The following USP48 variants were observed in gnomAD, a reference collection of about 807,000 sequenced individuals.
USP48 encodes ubiquitin carboxyl-terminal hydrolase 48.
In USP48, 43 loss-of-function variants were observed where a neutral mutation model predicts 150.7. The ratio of observed to expected loss-of-function variants is 0.29; its 90% CI spans 0.22 to 0.37. The LOEUF (loss-of-function observed/expected upper bound fraction) is 0.37. Ranked by LOEUF, USP48 falls within the 10% of genes least tolerant of loss-of-function variation. The pLI is 1.00. For synonymous variants in USP48, 396 were observed against 425.9 expected (o/e 0.93, Z 0.86); for missense variants, 813 against 1,249.6 (o/e 0.65, Z 5.27).
At chr1:21,689,899 C>A in intron 24 of USP48, 75 bp downstream of exon 24, 2 of 1,558,136 alleles carry the variant, frequency 1.3e-6, no homozygotes, top group South Asian at 1.2e-5. Context: ...CTTTAACCAC[C>A]ATTTCACACA....
At chr1:21,764,439 C>CA (rs112638976) in intron 1 of USP48, among the ~76,000 whole-genome samples, 14,432 of 108,368 alleles carry the variant, frequency 0.13, 827 homozygotes, top group Non-Finnish European at 0.17. Context: ...ACCCTGTCTC[C>CA]AAAAAAAAAA....
chr1:21,725,996 T>C (rs1480975781), intron 11 of USP48, among the ~76,000 whole-genome samples: 1 of 151,998 alleles, frequency 6.6e-6, no homozygotes, highest in Non-Finnish European at 1.5e-5. Flanking sequence ...GGACAGTCAA[T>C]TAGATTAAAA....
rs1250846766 is a variant in USP48 at position 21,678,375 on chromosome 1, G to A, written c.*1042C>T. 5 of 150,786 alleles carry A rather than the reference G, an allele frequency of 3.3e-5. No homozygotes were observed. Among genetic ancestry groups the A allele is most frequent in the African/African-American group, 4.9e-5 (2 of 40,934 alleles). 9.3% of individuals were successfully genotyped at this position (150,786 alleles called of 1,614,324 possible). ...TTCTTAAGAATATTGCTTCGGTTAC[G>A]TGTTGCTAAGAATGATAATCCTGAG... On this transcript the variant is annotated 3_prime_UTR_variant, in exon 27 of 27. Transcript: ENST00000308271.
chr1:21,733,673 CATATA>C (rs2097762275), intron 9 of USP48, among the ~76,000 whole-genome samples: 1 of 152,006 alleles, frequency 6.6e-6, no homozygotes, highest in African/African-American at 2.4e-5. Flanking sequence ...TAGGACTACC[CATATA>C]TAAGACAGCC....
At chr1:21,747,191 T>A (rs2097796542) in intron 7 of USP48, 42 bp from the exon 8 acceptor site, 1 of 1,420,058 alleles carries the variant, frequency 7.0e-7, no homozygotes, top group Non-Finnish European at 9.8e-7. Flanking sequence ...TTTAAAACAA[T>A]CATAATACAA....
chr1:21,741,409 A>C (rs1017080323), intron 8 of USP48, among the ~76,000 whole-genome samples: 1 of 152,228 alleles, frequency 6.6e-6, no homozygotes, highest in Non-Finnish European at 1.5e-5. Flanking sequence ...TGATATCTTC[A>C]ATGAGTGAAA....
intron 8 of USP48, among the ~76,000 whole-genome samples, chr1:21,741,919 A>G (rs1337913995): frequency 6.6e-6 from 1 of 152,160 alleles, no homozygotes; most frequent in Admixed American, 6.5e-5. Flanking sequence ...GGCTGCAGTG[A>G]GCCATGATCG....
At chr1:21,722,710 T>C (rs1392729287) in intron 12 of USP48, among the ~76,000 whole-genome samples, 1 of 151,888 alleles carries the variant, frequency 6.6e-6, no homozygotes, top group Non-Finnish European at 1.5e-5. Context: ...CCAGGCATGG[T>C]GGTGCATGTC....
At chr1:21,780,710 AC>A (rs1386327721) in intron 1 of USP48, among the ~76,000 whole-genome samples, 2 of 151,672 alleles carry the variant, frequency 1.3e-5, no homozygotes, top group Admixed American at 1.3e-4. Flanking sequence ...GGCGGAACAT[AC>A]AGGGCATACA....
intron 11 of USP48, among the ~76,000 whole-genome samples, chr1:21,726,781 A>G (rs1337268179): frequency 1.3e-5 from 2 of 152,144 alleles, no homozygotes; most frequent in Non-Finnish European, 2.9e-5. Context: ...GATTCAGTAA[A>G]CTACAAGCAT....
chr1:21,739,894 G>A lies in USP48; in HGVS notation c.992-3269C>T, dbSNP rs151189388. ...TTGACTTTTTTAGATTCTATATATA[G>A]TATCGATGAGATCATGCAGTATTTG... On this transcript the variant is annotated intron_variant, in intron 8 of 26. Coordinates refer to ENST00000308271, the MANE Select transcript of USP48 (RefSeq NM_032236.8). Among the ~76,000 whole-genome samples, 336 of 151,878 alleles carry A rather than the reference G, an allele frequency of 2.2e-3. 2 individuals carry two copies. The highest frequency in any genetic ancestry group is 7.0e-3 in the African/African-American group (289 of 41,414).
intron 22 of USP48, among the ~76,000 whole-genome samples, chr1:21,696,557 A>C (rs1171440924): frequency 6.6e-6 from 1 of 152,204 alleles, no homozygotes; most frequent in Non-Finnish European, 1.5e-5. Flanking sequence ...TGAGAGGAAA[A>C]AACTGTTCAA....
At chr1:21,734,845 T>C (rs1190054461) in intron 9 of USP48, among the ~76,000 whole-genome samples, 1 of 152,216 alleles carries the variant, frequency 6.6e-6, no homozygotes, top group African/African-American at 2.4e-5. Context: ...GCTCAGGAGA[T>C]GGCTCCAACT....
intron 19 of USP48, among the ~76,000 whole-genome samples, chr1:21,704,842 G>A (rs559580394): frequency 3.9e-5 from 6 of 152,242 alleles, no homozygotes; most frequent in African/African-American, 1.4e-4. Context: ...GCACTGTGGG[G>A]CCTTTAATCA....
At chr1:21,728,259 C>A in intron 11 of USP48, 1 of 1,066,694 alleles carries the variant, frequency 9.4e-7, no homozygotes, top group Non-Finnish European at 1.1e-6. Context: ...GTAATCCAAT[C>A]GGATTTTTCT....
chr1:21,751,459 T>C, intron 6 of USP48, 48 bp downstream of exon 6: 8 of 1,399,276 alleles, frequency 5.7e-6, no homozygotes, highest in Non-Finnish European at 8.1e-6. Flanking sequence ...CAGAACAGCA[T>C]TTAACTGTTA....
At chr1:21,736,705 C>A (rs566137949) in intron 8 of USP48, 80 bp from the exon 9 acceptor site, 23 of 1,190,418 alleles carry the variant, frequency 1.9e-5, no homozygotes, top group Admixed American at 1.4e-4. Context: ...GTAATGATTA[C>A]GAATCTTTAC....
chr1:21,736,722 G>A, intron 8 of USP48, 97 bp from the exon 9 acceptor site: 7 of 1,070,884 alleles, frequency 6.5e-6, no homozygotes, highest in Admixed American at 3.7e-5. Flanking sequence ...TTACACATGT[G>A]GTATAACTAA....
At chr1:21,692,122 T>G (rs2097603699) in intron 23 of USP48, among the ~76,000 whole-genome samples, 1 of 151,970 alleles carries the variant, frequency 6.6e-6, no homozygotes, top group African/African-American at 2.4e-5. Context: ...AGCACTGGCC[T>G]CCTCCCTAAC....
Sources: gnomAD v4.1 joint callset for allele counts (sites outside exome capture counted in the v4.1 genomes callset) on GRCh38, gnomAD v4.1.1 for gene constraint, MANE v1.5 for transcripts, NCBI Gene and HGNC (gene_info 2026-07-23, HGNC 2026-07-21) for gene names.